XKR6: variants seen among roughly 807,000 people sequenced by gnomAD.
XKR6 encodes XK-related protein 6.
In XKR6, 22 loss-of-function variants were observed where a neutral mutation model predicts 56.7. The ratio of observed to expected loss-of-function variants is 0.39; its 90% CI spans 0.28 to 0.55. XKR6 has a LOEUF of 0.55. Among genes scored for constraint, XKR6 ranks in the 20% least tolerant of loss-of-function variants. The pLI is 0.66. For synonymous variants in XKR6, 524 were observed against 387.8 expected (o/e 1.35, Z -4.13); for missense variants, 852 against 889.0 (o/e 0.96, Z 0.53).
At chr8:10,999,653 T>C (rs1798194403) in intron 1 of XKR6, among the ~76,000 whole-genome samples, 1 of 152,216 alleles carries the variant, frequency 6.6e-6, no homozygotes, top group South Asian at 2.1e-4. Flanking sequence ...TAAAAAAGGA[T>C]GTTCTGCAGA....
chr8:11,071,573 T>C (rs1165827730), intron 1 of XKR6, among the ~76,000 whole-genome samples: 1 of 147,754 alleles, frequency 6.8e-6, no homozygotes, highest in African/African-American at 2.5e-5. Flanking sequence ...CCCGAGTCCA[T>C]GAGCCCCGAG....
intron 1 of XKR6, among the ~76,000 whole-genome samples, chr8:11,083,505 C>A (rs763452334): frequency 1.3e-5 from 2 of 152,160 alleles, no homozygotes; most frequent in Non-Finnish European, 2.9e-5. Context: ...TTATTACACC[C>A]CCCGTTGAGC....
chr8:11,136,056 A>G (rs1288854314), intron 1 of XKR6, among the ~76,000 whole-genome samples: 1 of 152,242 alleles, frequency 6.6e-6, no homozygotes, highest in Non-Finnish European at 1.5e-5. Flanking sequence ...GGCACCTTAT[A>G]AATTATTGCC....
intron 1 of XKR6, among the ~76,000 whole-genome samples, chr8:11,171,491 T>C (rs899579227): frequency 1.3e-5 from 2 of 152,210 alleles, no homozygotes; most frequent in African/African-American, 2.4e-5. Flanking sequence ...TGGGGGCAGA[T>C]GCCTCATGAA....
chr8:11,164,433 C>T (rs1357757056), intron 1 of XKR6, among the ~76,000 whole-genome samples: 1 of 152,148 alleles, frequency 6.6e-6, no homozygotes, highest in Non-Finnish European at 1.5e-5. Context: ...TTACGTTATT[C>T]TAAGTCTTCT....
At position 11,040,637 on chromosome 8, in the gene XKR6, T is replaced by C. The variant is rs541180992; in HGVS notation, c.765-115807A>G. Among the ~76,000 whole-genome samples, 183 of 152,308 alleles carry C rather than the reference T, an allele frequency of 1.2e-3. 1 individual carries two copies. Among genetic ancestry groups the C allele is most frequent in the Non-Finnish European group, 1.9e-3 (128 of 68,024 alleles). On this transcript the variant is annotated intron_variant, in intron 1 of 2. Coordinates refer to ENST00000416569, the MANE Select transcript of XKR6 (RefSeq NM_173683.4). Reference sequence around the variant, plus strand: ...CCAAGATGAAGGCAGATTTGGTGTCTGGTGAGGGCTCTCCTGGTTCGTAGA... The same window carrying C: ...CCAAGATGAAGGCAGATTTGGTGTCCGGTGAGGGCTCTCCTGGTTCGTAGA...
intron 1 of XKR6, among the ~76,000 whole-genome samples, chr8:10,963,085 C>G (rs76086761): frequency 0.014 from 2,177 of 152,362 alleles, 49 homozygotes; most frequent in African/African-American, 0.048. Context: ...CAGCGCCAGA[C>G]CAAGCACATC....
intron 1 of XKR6, among the ~76,000 whole-genome samples, chr8:11,055,333 G>A (rs1799655361): frequency 6.6e-6 from 1 of 152,102 alleles, no homozygotes; most frequent in South Asian, 2.1e-4. Flanking sequence ...CATCTGATCA[G>A]ATATCAAGGG....
chr8:11,157,434 C>A (rs1009652813), intron 1 of XKR6, among the ~76,000 whole-genome samples: 1 of 152,118 alleles, frequency 6.6e-6, no homozygotes, highest in Admixed American at 6.6e-5. Flanking sequence ...TCTGTGCTAT[C>A]TTTAAGCTTT....
Position 10,897,878 on chromosome 8 carries a change from G to C in XKR6, c.*74C>G. ...GGTTCTGTGTATTGGGGGAAGGGAG[G>C]GTTATATTTCTTGCAAGTGCTGTTT... On this transcript the variant is annotated 3_prime_UTR_variant, in exon 3 of 3. Transcript: ENST00000416569. The C allele has an allele frequency of 1.3e-6, 2 of 1,503,946 alleles. No homozygotes were observed. Among genetic ancestry groups the C allele is most frequent in the Non-Finnish European group, 1.8e-6 (2 of 1,129,864 alleles). 93.2% of individuals were successfully genotyped at this position (1,503,946 alleles called of 1,614,324 possible).
chr8:11,000,137 T>C (rs1798205812), intron 1 of XKR6, among the ~76,000 whole-genome samples: 1 of 152,002 alleles, frequency 6.6e-6, no homozygotes, highest in Non-Finnish European at 1.5e-5. Flanking sequence ...CCAAGACTAT[T>C]AAAGAAATAC....
intron 1 of XKR6, among the ~76,000 whole-genome samples, chr8:10,971,757 C>A (rs891364161): frequency 5.3e-5 from 8 of 152,198 alleles, no homozygotes; most frequent in African/African-American, 1.7e-4. Context: ...GGGCTCTGCA[C>A]ACAAAGGAGG....
intron 2 of XKR6, among the ~76,000 whole-genome samples, chr8:10,904,214 G>A (rs1800121627): frequency 6.6e-6 from 1 of 152,184 alleles, no homozygotes; most frequent in African/African-American, 2.4e-5. Flanking sequence ...AGCGCTGGCA[G>A]CATGCCCACT....
At chr8:10,947,449 G>T (rs1376840489) in intron 1 of XKR6, among the ~76,000 whole-genome samples, 2 of 152,068 alleles carry the variant, frequency 1.3e-5, no homozygotes, top group Non-Finnish European at 2.9e-5. Context: ...GCATGGTTGG[G>T]GTCACCCTGG....
chr8:11,141,893 G>C (rs548761613), intron 1 of XKR6, among the ~76,000 whole-genome samples: 6 of 152,158 alleles, frequency 3.9e-5, no homozygotes, highest in African/African-American at 1.2e-4. Flanking sequence ...GAGGGGTCTA[G>C]GGTGCTGGTG....
At chr8:11,167,905 A>C (rs1308067775) in intron 1 of XKR6, among the ~76,000 whole-genome samples, 2 of 151,094 alleles carry the variant, frequency 1.3e-5, no homozygotes, top group Admixed American at 6.6e-5. Context: ...AAAAAAAAAA[A>C]AAAAAAACCA....
At chr8:10,988,874 C>T (rs1049502708) in intron 1 of XKR6, among the ~76,000 whole-genome samples, 22 of 152,228 alleles carry the variant, frequency 1.4e-4, no homozygotes, top group African/African-American at 5.1e-4. Flanking sequence ...ATTCCCTTTG[C>T]TGTCCGGTGG....
intron 1 of XKR6, among the ~76,000 whole-genome samples, chr8:11,163,093 C>A (rs957331649): frequency 6.6e-6 from 1 of 151,978 alleles, no homozygotes; most frequent in East Asian, 1.9e-4. Context: ...TAAAATAATA[C>A]CACAGTAAAC....
chr8:11,024,964 G>A (rs938435443), intron 1 of XKR6, among the ~76,000 whole-genome samples: 5 of 152,196 alleles, frequency 3.3e-5, no homozygotes, highest in African/African-American at 1.2e-4. Flanking sequence ...TCTCTAAAGT[G>A]GCTGCCTCAG....
Sources: gnomAD v4.1 joint callset for allele counts (sites outside exome capture counted in the v4.1 genomes callset) on GRCh38, gnomAD v4.1.1 for gene constraint, MANE v1.5 for transcripts, NCBI Gene and HGNC (gene_info 2026-07-23, HGNC 2026-07-21) for gene names.